The following SP4 variants were observed in gnomAD, a reference collection of about 807,000 sequenced individuals.
The protein encoded by SP4 is transcription factor Sp4.
SP4 carries 19 observed loss-of-function variants against 72.8 expected under a neutral mutation model. The ratio of observed to expected loss-of-function variants is 0.26; its 90% CI spans 0.18 to 0.38. The LOEUF is 0.38. Among genes scored for constraint, SP4 ranks in the 10% least tolerant of loss-of-function variants. The pLI is 1.00. For missense variants in SP4, 1,008 were observed against 926.3 expected, an observed-to-expected ratio of 1.09 and a Z score of -1.14; for synonymous variants, 395 against 333.1, an observed-to-expected ratio of 1.19 and a Z score of -2.02.
intron 5 of SP4, among the ~76,000 whole-genome samples, chr7:21,499,437 G>A (rs904634789): frequency 6.6e-6 from 1 of 152,298 alleles, no homozygotes; most frequent in Admixed American, 6.5e-5. Context: ...CTTATAAGAG[G>A]AGAAGACACA....
rs1023167534 is a variant in SP4, at chr7:21,513,155, C to A, written c.*1886C>A. The A allele has an allele frequency of 6.6e-6, 1 of 152,510 alleles. No homozygotes were observed. The highest frequency in any genetic ancestry group is 1.5e-5 in the Non-Finnish European group (1 of 67,990). 9.4% of individuals were successfully genotyped at this position (152,510 alleles called of 1,614,324 possible). On this transcript the variant is annotated 3_prime_UTR_variant, in exon 6 of 6. Transcript: ENST00000222584. ...ATTCTCTTCCAAAATTGTGATGTTTCTTGTATTTTTGATGAAGGAGAAATA... is the reference window on the plus strand; with the variant it reads ...ATTCTCTTCCAAAATTGTGATGTTTATTGTATTTTTGATGAAGGAGAAATA...
intron 5 of SP4, among the ~76,000 whole-genome samples, chr7:21,496,221 CTA>C (rs890389848): frequency 1.3e-5 from 2 of 151,960 alleles, no homozygotes; most frequent in African/African-American, 4.8e-5. Flanking sequence ...TCATAGAACT[CTA>C]TACCAAAAAA....
Position 21,446,447 on chromosome 7 carries a change from A to T in SP4, c.1678+15604A>T, listed in dbSNP as rs568829525. Among the ~76,000 whole-genome samples the T allele has an allele frequency of 3.9e-4, 57 of 146,842 alleles. 1 individual carries two copies. Among genetic ancestry groups the T allele is most frequent in the South Asian group, 2.4e-3 (11 of 4,670 alleles). ...AGCAGAGTGTAACTATGACATATTT[A>T]AAAAAAAAAAGAGCTCTGTGCTAGG... is the stretch of plus-strand genomic sequence containing the variant. On this transcript the variant is annotated intron_variant, in intron 3 of 5. Coordinates refer to ENST00000222584, the MANE Select transcript of SP4 (RefSeq NM_003112.5).
chr7:21,446,047 G>GAT (rs1258177375), intron 3 of SP4, among the ~76,000 whole-genome samples: 2 of 97,016 alleles, frequency 2.1e-5, no homozygotes, highest in African/African-American at 4.1e-5. Context: ...TATGTAGGTA[G>GAT]ATATATATGT....
chr7:21,478,412 G>T (rs780054956), intron 4 of SP4, among the ~76,000 whole-genome samples: 1 of 152,114 alleles, frequency 6.6e-6, no homozygotes, highest in African/African-American at 2.4e-5. Context: ...GGGTCATATT[G>T]TAATTCTATG....
Position 21,435,072 on chromosome 7 carries a change from T to C in SP4, c.1678+4229T>C, listed in dbSNP as rs577072919. Among the ~76,000 whole-genome samples the C allele has an allele frequency of 3.3e-5, 5 of 152,374 alleles. No homozygotes were observed. The East Asian group carries it at 9.6e-4, about 29-fold the overall frequency. On this transcript the variant is annotated intron_variant, in intron 3 of 5. Coordinates refer to ENST00000222584, the MANE Select transcript of SP4 (RefSeq NM_003112.5). ...TTTAGAGCTATGTAGGAACAATTGA[T>C]AGCTAAATCTGTAATTAACTTGGAG... is the stretch of plus-strand genomic sequence containing the variant.
At chr7:21,446,051 T>A (rs563954167) in intron 3 of SP4, among the ~76,000 whole-genome samples, 65 of 100,798 alleles carry the variant, frequency 6.4e-4, no homozygotes, top group African/African-American at 2.3e-3. Context: ...TAGGTAGATA[T>A]ATATGTGTGT....
In SP4 at chr7:21,482,538, A is replaced by G. The variant is rs145655057; in HGVS notation, c.2107+415A>G. On this transcript the variant is annotated intron_variant, in intron 5 of 5. Transcript: ENST00000222584. ...CCAAAGTATCAAGAATAATTAAATA[A>G]TAAACATCTAACAACCCTCAGTCAG... is the stretch of plus-strand genomic sequence containing the variant. 2.2e-3 allele frequency: 964 copies of G among 435,974 alleles called. 8 individuals carry two copies. Among genetic ancestry groups the G allele is most frequent in the African/African-American group, 0.019 (884 of 46,748 alleles). The allele number at this position is 435,974 out of a possible 1,614,324, so 27.0% of individuals were successfully genotyped here.
intron 5 of SP4, among the ~76,000 whole-genome samples, chr7:21,488,824 T>G (rs1175175074): frequency 6.6e-6 from 1 of 152,200 alleles, no homozygotes; most frequent in African/African-American, 2.4e-5. Flanking sequence ...ATGGATAATG[T>G]CTATAATAAC....
chr7:21,479,935 A>G (rs994078711), intron 4 of SP4, among the ~76,000 whole-genome samples: 4 of 152,126 alleles, frequency 2.6e-5, no homozygotes, highest in Admixed American at 2.0e-4. Context: ...TAATGTATTA[A>G]TCTTTTATCC....
chr7:21,460,529 C>G (rs1434670703), intron 3 of SP4, among the ~76,000 whole-genome samples: 1 of 152,176 alleles, frequency 6.6e-6, no homozygotes, highest in African/African-American at 2.4e-5. Flanking sequence ...AAGAACAAAG[C>G]TTCCACAGTA....
At chr7:21,470,932 A>C (rs1052313149) in intron 3 of SP4, 2 of 409,328 alleles carry the variant, frequency 4.9e-6, no homozygotes, top group African/African-American at 4.2e-5. Context: ...TATTAAAAAA[A>C]TTATTTTACA....
At chr7:21,472,382 T>C (rs1404667643) in intron 3 of SP4, among the ~76,000 whole-genome samples, 1 of 152,078 alleles carries the variant, frequency 6.6e-6, no homozygotes, top group East Asian at 1.9e-4. Context: ...TCCCCAGGGC[T>C]CAAGTGATCC....
chr7:21,450,662 T>C (rs1390619881), intron 3 of SP4, among the ~76,000 whole-genome samples: 1 of 152,164 alleles, frequency 6.6e-6, no homozygotes, highest in African/African-American at 2.4e-5. Flanking sequence ...ATAATGCAAG[T>C]GCTTAAACAG....
At position 21,428,782 on chromosome 7, in the gene SP4, C is replaced by T; in HGVS notation, c.113C>T (p.Ser38Leu). ...PENNNKKPKT[S>L]GSQDSQPSPL... ...AATAACAATAAAAAACCCAAAACCT[C>T]AGGCTCCCAGGTAAAAGCAAACAAA... Residue 38 changes from serine to leucine, a missense_variant, in exon 2 of 6, where the codon TCA (serine) becomes TTA (leucine). Coordinates refer to ENST00000222584, the MANE Select transcript of SP4 (RefSeq NM_003112.5). 1 of 1,550,010 alleles carries T rather than the reference C, an allele frequency of 6.5e-7. No homozygotes were observed. The highest frequency in any genetic ancestry group is 1.2e-5 in the South Asian group (1 of 83,826).
intron 5 of SP4, among the ~76,000 whole-genome samples, chr7:21,488,447 A>G (rs1032115373): frequency 2.0e-5 from 3 of 147,336 alleles, no homozygotes; most frequent in Non-Finnish European, 4.5e-5. Flanking sequence ...GACATTTGAT[A>G]TAATCATTGT....
chr7:21,508,515 G>T (rs999045949), intron 5 of SP4, among the ~76,000 whole-genome samples: 2 of 152,130 alleles, frequency 1.3e-5, no homozygotes, highest in African/African-American at 4.8e-5. Flanking sequence ...TTTTAGTAGA[G>T]ACAGGGTTTC....
At chr7:21,434,288 G>T (rs951736799) in intron 3 of SP4, among the ~76,000 whole-genome samples, 1 of 152,140 alleles carries the variant, frequency 6.6e-6, no homozygotes, top group African/African-American at 2.4e-5. Flanking sequence ...TACTCTTCAG[G>T]AGATTAAGGG....
At chr7:21,486,805 G>A (rs542147759) in intron 5 of SP4, among the ~76,000 whole-genome samples, 166 of 152,294 alleles carry the variant, frequency 1.1e-3, no homozygotes, top group African/African-American at 3.6e-3. Flanking sequence ...TCGACATTCA[G>A]GGGGAAGAGA....
Sources: allele counts gnomAD v4.1 joint callset (sites outside exome capture counted in the v4.1 genomes callset), GRCh38; gene constraint gnomAD v4.1.1; transcripts MANE v1.5; gene names NCBI Gene and HGNC (gene_info 2026-07-23, HGNC 2026-07-21).